NTN4: variants seen among roughly 807,000 people sequenced by gnomAD.
NTN4 encodes the protein netrin-4.
Under a neutral mutation model 73.6 loss-of-function variants are expected in NTN4, and 32 were observed. The ratio of observed to expected loss-of-function variants is 0.44; its 90% CI spans 0.33 to 0.58. NTN4 has a LOEUF of 0.58. Among genes scored for constraint, NTN4 ranks in the 20% least tolerant of loss-of-function variants. The probability of loss-of-function intolerance (pLI) is 0.04; values close to 1 mark genes in which losing one functional copy is unlikely to be tolerated. For synonymous variants in NTN4, 258 were observed against 287.5 expected (o/e 0.90, Z 1.04); for missense variants, 654 against 798.3 (o/e 0.82, Z 2.18).
At chr12:95,788,923 G>A (rs575427978) in intron 1 of NTN4, among the ~76,000 whole-genome samples, 4 of 152,224 alleles carry the variant, frequency 2.6e-5, no homozygotes, top group South Asian at 4.2e-4. Context: ...GCCTTGTGAT[G>A]TTTATTTACA....
intron 5 of NTN4, among the ~76,000 whole-genome samples, chr12:95,691,693 C>T (rs1348673986): frequency 6.6e-6 from 1 of 152,202 alleles, no homozygotes; most frequent in Non-Finnish European, 1.5e-5. Context: ...CCATGCCCGG[C>T]CTGTCTTCTT....
chr12:95,764,823 T>C (rs562722822), intron 2 of NTN4, among the ~76,000 whole-genome samples: 5 of 152,342 alleles, frequency 3.3e-5, no homozygotes, highest in East Asian at 1.9e-4. Context: ...GTACTTCAAA[T>C]TGAGAATCTT....
intron 7 of NTN4, among the ~76,000 whole-genome samples, chr12:95,679,868 T>C (rs1442944219): frequency 1.3e-5 from 2 of 152,146 alleles, no homozygotes; most frequent in East Asian, 3.9e-4. Flanking sequence ...CCCAGCTTAC[T>C]CTGTTCCAGC....
At chr12:95,745,738 G>T (rs568532049) in intron 2 of NTN4, among the ~76,000 whole-genome samples, 1 of 152,174 alleles carries the variant, frequency 6.6e-6, no homozygotes, top group African/African-American at 2.4e-5. Flanking sequence ...CCTTGTTGGG[G>T]GCTGAATATT....
chr12:95,745,100 A>G (rs1340342431), intron 2 of NTN4, among the ~76,000 whole-genome samples: 1 of 151,980 alleles, frequency 6.6e-6, no homozygotes, highest in Non-Finnish European at 1.5e-5. Context: ...ATTGCTTTTT[A>G]AACAATTTGA....
At chr12:95,755,815 G>C (rs1312254283) in intron 2 of NTN4, among the ~76,000 whole-genome samples, 1 of 152,184 alleles carries the variant, frequency 6.6e-6, no homozygotes. Context: ...TATCTTCAGG[G>C]AAAAGGGAAA....
intron 7 of NTN4, chr12:95,672,226 G>A: frequency 1.7e-6 from 1 of 604,922 alleles, no homozygotes; most frequent in South Asian, 1.9e-5. Context: ...CGGGGGGAGG[G>A]AGGGGAGGCG....
intron 5 of NTN4, among the ~76,000 whole-genome samples, chr12:95,699,130 A>C (rs1469522322): frequency 1.3e-5 from 2 of 151,854 alleles, no homozygotes; most frequent in Non-Finnish European, 2.9e-5. Flanking sequence ...TATTGATTCT[A>C]TGCTGGAATC....
intron 2 of NTN4, among the ~76,000 whole-genome samples, chr12:95,770,155 C>T (rs993746454): frequency 6.6e-6 from 1 of 152,140 alleles, no homozygotes; most frequent in African/African-American, 2.4e-5. Flanking sequence ...ATTTAGTTTT[C>T]TTTAACAGAA....
At position 95,790,661 on chromosome 12, in the gene NTN4, GCGAGACCTTTCACTTCC is replaced by G; in HGVS notation, c.-369_-353del. 5.5e-6 allele frequency: 1 copy of G among 181,238 alleles called. No homozygotes were observed. Among genetic ancestry groups the G allele is most frequent in the Non-Finnish European group, 1.1e-5 (1 of 87,494 alleles). The allele number at this position is 181,238 out of a possible 1,614,324, so 11.2% of individuals were successfully genotyped here. On this transcript the variant is annotated 5_prime_UTR_variant, in exon 1 of 10. Transcript: ENST00000343702. The surrounding 1 kb of genome is among the most constrained non-coding windows in gnomAD (Gnocchi z 6.5). ...GCGCCCGCAGCCGCCGCTGAACTTTGCGAGACCTTTCACTTCCCGGCCGCCGCCGCCGCCTCCTCCTG... is the reference window on the plus strand; with the variant it reads ...GCGCCCGCAGCCGCCGCTGAACTTTGCGGCCGCCGCCGCCGCCTCCTCCTG...
At chr12:95,672,802 T>C (rs2078243700) in intron 7 of NTN4, 1 of 1,334,244 alleles carries the variant, frequency 7.5e-7, no homozygotes, top group African/African-American at 1.4e-5. Context: ...TCTGCCCTTT[T>C]GGAATAAAGA....
At chr12:95,776,893 G>A (rs916073596) in intron 2 of NTN4, among the ~76,000 whole-genome samples, 4 of 152,156 alleles carry the variant, frequency 2.6e-5, no homozygotes. Context: ...AGGAAAAAAT[G>A]TTAAGAGCAG....
At chr12:95,674,877 G>C (rs553230024) in intron 7 of NTN4, among the ~76,000 whole-genome samples, 3 of 152,298 alleles carry the variant, frequency 2.0e-5, no homozygotes, top group African/African-American at 7.2e-5. Flanking sequence ...AGAGTCTGCA[G>C]TCATTCTGGT....
intron 2 of NTN4, among the ~76,000 whole-genome samples, chr12:95,747,265 C>A (rs1304974932): frequency 6.6e-6 from 1 of 152,156 alleles, no homozygotes; most frequent in East Asian, 1.9e-4. Flanking sequence ...TACCAGTAAA[C>A]TCCCATTATA....
At chr12:95,733,307 G>A (rs2078751889) in intron 3 of NTN4, among the ~76,000 whole-genome samples, 1 of 152,220 alleles carries the variant, frequency 6.6e-6, no homozygotes, top group South Asian at 2.1e-4. Context: ...GATTCCAGCA[G>A]GCTGGAGTCA....
chr12:95,786,866 CT>C, intron 2 of NTN4, 72 bp downstream of exon 2: 1 of 1,248,946 alleles, frequency 8.0e-7, no homozygotes, highest in Non-Finnish European at 1.1e-6. Context: ...TAGCTTCATG[CT>C]TTAAAAAAAA....
Position 95,770,988 on chromosome 12 carries a change from A to AATTTTTTTTTTTTTTTTTTTT in NTN4, c.585+15950_585+15951insAAAAAAAAAAAAAAAAAAAAT, listed in dbSNP as rs2079053316. Among the ~76,000 whole-genome samples, 5 of 58,098 alleles carry AATTTTTTTTTTTTTTTTTTTT rather than the reference A, an allele frequency of 8.6e-5. 1 individual carries two copies. Among genetic ancestry groups the AATTTTTTTTTTTTTTTTTTTT allele is most frequent in the African/African-American group, 1.7e-4 (4 of 22,888 alleles). The allele number at this position is 58,098 out of a possible 152,430, so 38.1% of individuals were successfully genotyped here. On this transcript the variant is annotated intron_variant, in intron 2 of 9. Transcript: ENST00000343702. ...GCAAGATGAACCATCCAGGAAAAGA[A>AATTTTTTTTTTTTTTTTTTTT]TTTGTTTTTTTTTTTTTTTGAGACA... is the stretch of plus-strand genomic sequence containing the variant.
intron 2 of NTN4, among the ~76,000 whole-genome samples, chr12:95,752,138 C>CA (rs1375752049): frequency 6.6e-6 from 1 of 152,036 alleles, no homozygotes; most frequent in African/African-American, 2.4e-5. Flanking sequence ...ACCCTTACCC[C>CA]ACTCAACGCC....
At chr12:95,660,089 C>T (rs1196588600) in intron 9 of NTN4, among the ~76,000 whole-genome samples, 1 of 152,104 alleles carries the variant, frequency 6.6e-6, no homozygotes, top group African/African-American at 2.4e-5. Context: ...TCTTGGCTCA[C>T]TGCAACCTCT....
Sources: gnomAD v4.1 joint callset for allele counts (sites outside exome capture counted in the v4.1 genomes callset) on GRCh38, gnomAD v4.1.1 for gene constraint, Gnocchi (gnomAD v3.1) non-coding constraint, MANE v1.5 for transcripts, NCBI Gene and HGNC (gene_info 2026-07-23, HGNC 2026-07-21) for gene names.